Variants in IL13RA2 observed in about 807,000 individuals in gnomAD.
IL13RA2 encodes interleukin 13 receptor subunit alpha 2.
Under a neutral mutation model 34.1 loss-of-function variants are expected in IL13RA2, and 25 were observed. The observed-to-expected ratio is 0.73, with a 90% CI of 0.53 to 1.03. IL13RA2 has a LOEUF of 1.03. IL13RA2 is among the 50% of genes least tolerant of loss of function. The pLI is 0.00. For synonymous variants in IL13RA2, 106 were observed against 100.4 expected, an observed-to-expected ratio of 1.06 and a Z score of -0.33; for missense variants, 297 against 280.9, an observed-to-expected ratio of 1.06 and a Z score of -0.41.
intron 5 of IL13RA2, among the ~76,000 whole-genome samples, chrX:115,011,334 A>G (rs1403724516): frequency 8.9e-6 from 1 of 111,915 alleles, no homozygotes; most frequent in Non-Finnish European, 1.9e-5. Context: ...ACCTCAGAAA[A>G]GCCAACTGTA....
At position 115,008,025 on chromosome X, in the gene IL13RA2, G is replaced by A. The variant is rs2071691901; in HGVS notation, c.904C>T (p.Arg302Ter). Residue 302 changes from arginine (R) to a stop codon, truncating the protein, a stop_gained, in exon 8 of 10, where the codon CGA (arginine) becomes TGA (stop). Coordinates refer to ENST00000243213, the MANE Select transcript of IL13RA2 (RefSeq NM_000640.3). LOFTEE classifies it high-confidence loss of function. Reference protein sequence around the residue: ...TYTLKTTNETRQLCFVVRSKV... With the variant: ...TYTLKTTNET ...CTTCTTACTACAAAGCATAATTGTC[G>A]GGTTTCATTTGTTGTTTTCAAGGTG... 6 of 1,143,222 alleles carry A rather than the reference G, an allele frequency of 5.2e-6. No individual in the cohort carries two copies. The highest frequency in any genetic ancestry group is 1.8e-5 in the South Asian group (1 of 54,512). 94.2% of individuals were successfully genotyped at this position (1,143,222 alleles called of 1,213,427 possible). A position where few individuals can be genotyped will look rare whatever the true frequency, so the allele number is the denominator to read the frequency against.
At chrX:115,016,335 G>A (rs905892749) in intron 2 of IL13RA2, among the ~76,000 whole-genome samples, 2 of 110,697 alleles carry the variant, frequency 1.8e-5, no homozygotes, top group Non-Finnish European at 3.8e-5. Flanking sequence ...AGTTAGTTTT[G>A]TGTAAATTAT....
chrX:115,016,125 G>A (rs1263615596), intron 2 of IL13RA2, among the ~76,000 whole-genome samples: 4 of 110,125 alleles, frequency 3.6e-5, no homozygotes, highest in Non-Finnish European at 7.5e-5. Flanking sequence ...AAGTAGATTC[G>A]TGGTTGGTAG....
intron 2 of IL13RA2, among the ~76,000 whole-genome samples, chrX:115,016,602 A>G (rs1248924106): frequency 9.4e-6 from 1 of 106,843 alleles, no homozygotes; most frequent in African/African-American, 3.4e-5. Context: ...TAACTAACAT[A>G]TCACTATAAT....
At chrX:115,014,645 A>T (rs1340633589) in intron 3 of IL13RA2, 71 bp from the exon 4 acceptor site, 7 of 745,762 alleles carry the variant, frequency 9.4e-6, no homozygotes. Context: ...TATTAATAAG[A>T]CTAATAAATC....
At chrX:115,016,397 T>G (rs1401154431) in intron 2 of IL13RA2, among the ~76,000 whole-genome samples, 1 of 110,697 alleles carries the variant, frequency 9.0e-6, no homozygotes, top group Non-Finnish European at 1.9e-5. Context: ...TAGTTGTTCC[T>G]TCTTTGAGAA....
chrX:115,008,698 G>T (rs1285904182), intron 7 of IL13RA2, among the ~76,000 whole-genome samples: 1 of 111,328 alleles, frequency 9.0e-6, no homozygotes, highest in Non-Finnish European at 1.9e-5. Context: ...TGATCTCAGA[G>T]TAAAAAAATC....
chrX:115,009,591 G>T lies in IL13RA2; in HGVS notation c.782C>A (p.Pro261His), dbSNP rs1556508440. The T allele has an allele frequency of 1.7e-6, 2 of 1,191,519 alleles. No individual in the cohort carries two copies. Among genetic ancestry groups the T allele is most frequent in the Non-Finnish European group, 2.3e-6 (2 of 877,353 alleles). Residue 261 changes from proline (P) to histidine (H), a missense_variant, in exon 7 of 10, where the codon CCT becomes CAT. Pro to His is a moderately conservative substitution (Grantham distance 77). Transcript: ENST00000243213. ...SCEIKLKWSI[P>H]LGPIPARCFD... ...ACACCTTGCTGGAATAGGTCCCAAA[G>T]GTATGCTCCATTTCAGCTTAATTTC...
At chrX:115,008,376 C>A (rs1182864347) in intron 7 of IL13RA2, among the ~76,000 whole-genome samples, 1 of 111,452 alleles carries the variant, frequency 9.0e-6, no homozygotes, top group Admixed American at 9.6e-5. Flanking sequence ...TTATAACACC[C>A]AGTATGTGGA....
At chrX:115,015,930 T>C in intron 2 of IL13RA2, 109 bp from the exon 3 acceptor site, 1 of 501,466 alleles carries the variant, frequency 2.0e-6, no homozygotes, top group East Asian at 3.7e-5. Flanking sequence ...ATAAACAAAA[T>C]GTGCTACATG....
intron 6 of IL13RA2, 22 bp downstream of exon 6, chrX:115,010,622 G>A (rs2071702454): frequency 4.5e-6 from 3 of 673,301 alleles, no homozygotes; most frequent in Non-Finnish European, 6.6e-6. Context: ...TGAATTTGAA[G>A]TTGTTTGTTG....
Position 115,007,917 on chromosome X carries a change from C to T in IL13RA2, c.997+15G>A. On this transcript the variant is annotated intron_variant, in intron 8 of 9. Transcript: ENST00000243213. ...AAAGAGCTCATTATTTAGTTACTGT[C>T]CTTTTAGCTCATACCTTCCCAGCAT... is the stretch of plus-strand genomic sequence containing the variant. The T allele has an allele frequency of 9.8e-7, 1 of 1,024,999 alleles. No homozygotes were observed. The highest frequency in any genetic ancestry group is 1.4e-6 in the Non-Finnish European group (1 of 737,368). 84.5% of individuals were successfully genotyped at this position (1,024,999 alleles called of 1,213,427 possible).
intron 3 of IL13RA2, 26 bp downstream of exon 3, chrX:115,015,644 A>C (rs1044414915): frequency 8.5e-7 from 1 of 1,177,812 alleles, no homozygotes; most frequent in African/African-American, 1.8e-5. Context: ...GATCACTCTG[A>C]TACGGCAAAT....
In IL13RA2 at chrX:115,012,541, G is replaced by T. The variant is rs782771590; in HGVS notation, c.521+1228C>A. ...GCGCTTTCGGAGGCTGAGGTGGGCA[G>T]ATCACTTGAGGTAAGGAGCTTGAGA... On this transcript the variant is annotated intron_variant, in intron 5 of 9. Transcript: ENST00000243213. 6.2e-5 allele frequency among the ~76,000 whole-genome samples: 7 copies of T among 112,092 alleles called. No homozygotes were observed. The South Asian group carries it at 2.6e-3, about 41-fold the overall frequency.
chrX:115,014,242 G>A (rs1286450183), intron 4 of IL13RA2, among the ~76,000 whole-genome samples, 179 bp downstream of exon 4: 2 of 111,551 alleles, frequency 1.8e-5, no homozygotes, highest in Non-Finnish European at 3.8e-5. Flanking sequence ...TTTGCCAAAG[G>A]TATTTGCTGA....
chrX:115,015,614 A>T, intron 3 of IL13RA2, 56 bp downstream of exon 3: 1 of 1,047,782 alleles, frequency 9.5e-7, no homozygotes, highest in Non-Finnish European at 1.3e-6. Context: ...AAAGTCAGGA[A>T]TCACAAAGTA....
chrX:115,011,141 G>C (rs782541003), intron 5 of IL13RA2, among the ~76,000 whole-genome samples: 8 of 111,893 alleles, frequency 7.1e-5, no homozygotes, highest in Non-Finnish European at 1.5e-4. Context: ...GTGAATCAAA[G>C]AATAAGATTC....
intron 9 of IL13RA2, among the ~76,000 whole-genome samples, chrX:115,004,742 T>C (rs1281426889): frequency 8.9e-6 from 1 of 112,088 alleles, no homozygotes; most frequent in African/African-American, 3.2e-5. Flanking sequence ...TCAAAGGTTA[T>C]ATTTTTTTGT....
chrX:115,006,720 C>A (rs956376933), intron 8 of IL13RA2, among the ~76,000 whole-genome samples: 2 of 111,559 alleles, frequency 1.8e-5, no homozygotes, highest in African/African-American at 6.5e-5. Context: ...CAAGAGAAAT[C>A]TTAGGCATCA....
Sources: allele counts gnomAD v4.1 joint callset (sites outside exome capture counted in the v4.1 genomes callset), GRCh38; gene constraint gnomAD v4.1.1; transcripts MANE v1.5; gene names NCBI Gene and HGNC (gene_info 2026-07-23, HGNC 2026-07-21).